SFI1: variants seen among roughly 807,000 people sequenced by gnomAD.
SFI1 encodes protein SFI1 homolog.
Under a neutral mutation model 207.5 loss-of-function variants are expected in SFI1, and 195 were observed. That is an observed-to-expected ratio of 0.94 (90% CI 0.84 to 1.06). The LOEUF (loss-of-function observed/expected upper bound fraction) is 1.06. Among genes scored for constraint, SFI1 ranks in the 50% least tolerant of loss-of-function variants. The pLI is 0.00. For synonymous variants in SFI1, 630 were observed against 598.9 expected (o/e 1.05, Z -0.76); for missense variants, 1,634 against 1,588.0 (o/e 1.03, Z -0.49).
chr22:31,520,444 AT>A (rs2057084684), intron 2 of SFI1, among the ~76,000 whole-genome samples: 1 of 152,190 alleles, frequency 6.6e-6, no homozygotes, highest in Admixed American at 6.5e-5. Context: ...ATGGTTCTAT[AT>A]TGCTTTTTTA....
Position 31,613,795 on chromosome 22 carries a change from C to T in SFI1, c.2936C>T (p.Ala979Val), listed in dbSNP as rs1292737859. ...ACCCTTGAGACCAAGAGGCCACAGG[C>T]TTCTCGGCCTCTGGGAGCTCTGGGC... ...DGTLETKRPQ[A>V]SRPLGALGRL... The change falls in exon 27 of 33, where the codon GCT becomes GTT. Residue 979 changes from alanine to valine, a missense_variant. Transcript: ENST00000400288. 3.1e-6 allele frequency: 5 copies of T among 1,611,742 alleles called. No individual in the cohort carries two copies. The African/African-American group carries it at 6.7e-5, about 22-fold the overall frequency.
chr22:31,588,831 A>G lies in SFI1; in HGVS notation c.1414-616A>G, dbSNP rs185703529. Among the ~76,000 whole-genome samples the G allele has an allele frequency of 2.1e-3, 323 of 151,868 alleles. 3 individuals carry two copies. The highest frequency in any genetic ancestry group is 7.6e-3 in the African/African-American group (317 of 41,468). Reference sequence around the variant, plus strand: ...TGTCTCAAAAAAAAAAAAACAAAAAACAACAAAAAAAACAAAAACATAAAA... The same window carrying G: ...TGTCTCAAAAAAAAAAAAACAAAAAGCAACAAAAAAAACAAAAACATAAAA... On this transcript the variant is annotated intron_variant, in intron 14 of 32. Coordinates refer to ENST00000400288, the MANE Select transcript of SFI1 (RefSeq NM_001007467.3).
rs560463932 is a variant in SFI1, at chr22:31,589,587, G to C, written c.1544+10G>C. 1.2e-6 allele frequency: 2 copies of C among 1,608,882 alleles called. No homozygotes were observed. Among genetic ancestry groups the C allele is most frequent in the African/African-American group, 1.3e-5 (1 of 74,616 alleles). On this transcript the variant is annotated intron_variant, in intron 15 of 32. Coordinates refer to ENST00000400288, the MANE Select transcript of SFI1 (RefSeq NM_001007467.3). ...CAACACGTTTCCACAGGTATGTTGC[G>C]CAGCTCCTGTCTGCACTGGGGCAGG...
chr22:31,600,803 TC>T (rs1445112630), intron 15 of SFI1, among the ~76,000 whole-genome samples: 1 of 152,242 alleles, frequency 6.6e-6, no homozygotes, highest in Non-Finnish European at 1.5e-5. Context: ...ACACTTACTG[TC>T]CAGCGCCTGA....
chr22:31,606,388 C>G lies in SFI1; in HGVS notation c.2115C>G (p.Thr705=), dbSNP rs1287120559. 1.2e-6 allele frequency: 2 copies of G among 1,613,864 alleles called. No homozygotes were observed. Among genetic ancestry groups the G allele is most frequent in the East Asian group, 2.2e-5 (1 of 44,884 alleles). Residue 705 remains threonine, a synonymous_variant, in exon 21 of 33, where the codon ACC becomes ACG. Transcript: ENST00000400288. ...TMARVDEAKK[T]FQASTHYRRT... ...CCCGAGTGGATGAAGCCAAAAAAAC[C>G]TTTCAAGCAAGTACTCATTACAGAA...
At chr22:31,498,833 G>A (rs989044525) in intron 1 of SFI1, among the ~76,000 whole-genome samples, 4 of 151,012 alleles carry the variant, frequency 2.6e-5, no homozygotes, top group Non-Finnish European at 5.9e-5. Flanking sequence ...ATAAAACTTG[G>A]ATGGATGAGG....
At chr22:31,548,585 G>A (rs1006623951) in intron 5 of SFI1, among the ~76,000 whole-genome samples, 6 of 151,564 alleles carry the variant, frequency 4.0e-5, no homozygotes. Flanking sequence ...GGAGACTGCA[G>A]TGAGTCGAGA....
intron 9 of SFI1, 128 bp from the exon 10 acceptor site, chr22:31,575,096 GTGTGTGT>G: frequency 3.4e-6 from 1 of 298,272 alleles, no homozygotes; most frequent in Non-Finnish European, 5.2e-6. Flanking sequence ...GTGTGTGTGT[GTGTGTGT>G]GTGTGTGTGT....
chr22:31,614,314 G>A (rs1223495347), intron 27 of SFI1: 4 of 345,798 alleles, frequency 1.2e-5, no homozygotes, highest in African/African-American at 8.5e-5. Context: ...CCCTACTATG[G>A]TCTCCTCAAA....
At chr22:31,551,022 A>T (rs999414133) in intron 6 of SFI1, among the ~76,000 whole-genome samples, 7 of 152,124 alleles carry the variant, frequency 4.6e-5, no homozygotes, top group African/African-American at 1.7e-4. Context: ...GCCTCATGTC[A>T]TCACTTACCT....
rs1229527872 is a variant in SFI1, at chr22:31,604,417, G to T, written c.1977+13G>T. ...GCAGGCATGGGTGGTAGGAACTGCT[G>T]CTTCCCTCCTGATCTTGCTGTGGGG... On this transcript the variant is annotated intron_variant, in intron 19 of 32. Transcript: ENST00000400288. 8 of 1,506,776 alleles carry T rather than the reference G, an allele frequency of 5.3e-6. No individual in the cohort carries two copies. The Admixed American group carries it at 1.8e-4, about 34-fold the overall frequency. The allele number at this position is 1,506,776 out of a possible 1,614,324, so 93.3% of individuals were successfully genotyped here. A position where few individuals can be genotyped will look rare whatever the true frequency, so the allele number is the denominator to read the frequency against.
Position 31,613,529 on chromosome 22 carries a change from AG to A in SFI1, c.2742+1del, listed in dbSNP as rs770583345. 53 of 1,587,676 alleles carry A rather than the reference AG, an allele frequency of 3.3e-5. No homozygotes were observed. Among genetic ancestry groups the A allele is most frequent in the Non-Finnish European group, 4.1e-5 (48 of 1,170,424 alleles). ...RQQLQAQQQV[Q>X]AAHSLHRAVR... is the part of the protein sequence containing the mutation. ...CAGCTGCAGGCCCAGCAGCAGGTCC[AG>A]GTAGGCCCAGGGCCCCTTCCTGTGG... On this transcript the variant is annotated frameshift_variant and splice_region_variant, in exon 26 of 33. Transcript: ENST00000400288. LOFTEE classifies it high-confidence loss of function.
chr22:31,591,416 C>T, intron 15 of SFI1, among the ~76,000 whole-genome samples: 1 of 152,370 alleles, frequency 6.6e-6, no homozygotes. Context: ...TTTTCCCCAC[C>T]TTTCCCGCCC....
chr22:31,614,735 C>G, intron 27 of SFI1, 54 bp from the exon 28 acceptor site: 2 of 1,581,962 alleles, frequency 1.3e-6, no homozygotes, highest in Admixed American at 3.4e-5. Context: ...AGATCTCAGA[C>G]CCCCCTGCAG....
intron 2 of SFI1, among the ~76,000 whole-genome samples, chr22:31,514,644 A>C (rs2056216831): frequency 1.3e-5 from 2 of 151,666 alleles, no homozygotes. Context: ...GTTTCTATGC[A>C]TTCAATTATT....
At chr22:31,603,101 G>A (rs1307704992) in intron 17 of SFI1, among the ~76,000 whole-genome samples, 3 of 152,194 alleles carry the variant, frequency 2.0e-5, no homozygotes, top group Non-Finnish European at 4.4e-5. Context: ...GCGTGGTGGC[G>A]CAAGCATGTA....
chr22:31,524,498 C>T (rs1173620136), intron 2 of SFI1, among the ~76,000 whole-genome samples: 1 of 151,894 alleles, frequency 6.6e-6, no homozygotes, highest in Non-Finnish European at 1.5e-5. Flanking sequence ...TCTCAGCTCA[C>T]TGCAACCTCT....
intron 11 of SFI1, among the ~76,000 whole-genome samples, chr22:31,579,907 C>G (rs1401069815): frequency 6.6e-6 from 1 of 152,224 alleles, no homozygotes; most frequent in Non-Finnish European, 1.5e-5. Context: ...ACAAAAACCA[C>G]CACAGACAAA....
chr22:31,593,122 G>A (rs1286144027), intron 15 of SFI1, among the ~76,000 whole-genome samples: 6 of 144,540 alleles, frequency 4.2e-5, no homozygotes, highest in East Asian at 2.2e-4. Context: ...GCGGCTGGCC[G>A]GGCGGGGGGC....
Sources: gnomAD v4.1 joint callset for allele counts (sites outside exome capture counted in the v4.1 genomes callset) on GRCh38, gnomAD v4.1.1 for gene constraint, MANE v1.5 for transcripts, NCBI Gene and HGNC (gene_info 2026-07-23, HGNC 2026-07-21) for gene names.